The following WAC variants were observed in gnomAD, a reference collection of about 807,000 sequenced individuals.
The protein encoded by WAC is WW domain containing adaptor with coiled-coil, also known as WW domain-containing adapter protein with coiled-coil.
In WAC, 11 loss-of-function variants were observed where a neutral mutation model predicts 79.6. That is an observed-to-expected ratio of 0.14 (90% CI 0.09 to 0.23). WAC has a LOEUF of 0.23. Among genes scored for constraint, WAC ranks in the 10% least tolerant of loss-of-function variants. The pLI is 1.00. For synonymous variants in WAC, 304 were observed against 276.9 expected (o/e 1.10, Z -0.97); for missense variants, 728 against 773.5 (o/e 0.94, Z 0.70).
intron 2 of WAC, 180 bp from the exon 3 acceptor site, chr10:28,535,382 C>G (rs1836586344): frequency 6.0e-6 from 3 of 502,838 alleles, no homozygotes; most frequent in Non-Finnish European, 9.5e-6. Context: ...CTTATTGTAA[C>G]GCTTAAGCAT....
chr10:28,617,640 C>T lies in WAC; in HGVS notation c.1747-17C>T. The T allele has an allele frequency of 1.3e-6, 2 of 1,534,142 alleles. No individual in the cohort carries two copies. The highest frequency in any genetic ancestry group is 8.7e-7 in the Non-Finnish European group (1 of 1,150,584). On this transcript the variant is annotated splice_polypyrimidine_tract_variant and intron_variant, in intron 12 of 13. Transcript: ENST00000354911. Reference sequence around the variant, plus strand: ...TAATGTTTATATTTTATGTTTTCTTCATTTCTTTAATTACAGGCATCAAGA... The same window carrying T: ...TAATGTTTATATTTTATGTTTTCTTTATTTCTTTAATTACAGGCATCAAGA...
chr10:28,555,496 G>T (rs1184600134), intron 3 of WAC, among the ~76,000 whole-genome samples: 2 of 152,012 alleles, frequency 1.3e-5, no homozygotes, highest in African/African-American at 2.4e-5. Flanking sequence ...AGGTCTTGGG[G>T]TTGGTGGGAG....
At chr10:28,610,180 G>C (rs1488842580) in intron 8 of WAC, among the ~76,000 whole-genome samples, 1 of 152,052 alleles carries the variant, frequency 6.6e-6, no homozygotes, top group African/African-American at 2.4e-5. Flanking sequence ...CGATCCACCT[G>C]CCTCAGCCTC....
At chr10:28,590,601 A>T (rs1384980148) in intron 5 of WAC, 119 bp from the exon 6 acceptor site, 2 of 779,618 alleles carry the variant, frequency 2.6e-6, no homozygotes, top group East Asian at 2.8e-5. Context: ...AATTATGACC[A>T]TGTTCACTCC....
intron 6 of WAC, 74 bp downstream of exon 6, chr10:28,590,906 G>A: frequency 9.1e-7 from 1 of 1,097,712 alleles, no homozygotes; most frequent in Non-Finnish European, 1.3e-6. Context: ...TGTATCCATT[G>A]CCATCTACAT....
chr10:28,539,230 C>T (rs374419441), intron 3 of WAC, among the ~76,000 whole-genome samples: 7 of 152,026 alleles, frequency 4.6e-5, no homozygotes, highest in Admixed American at 2.6e-4. Flanking sequence ...GAAAAATGCT[C>T]GTTCAGAAGT....
intron 7 of WAC, among the ~76,000 whole-genome samples, chr10:28,600,487 A>T (rs901682200): frequency 6.6e-6 from 1 of 152,184 alleles, no homozygotes; most frequent in Non-Finnish European, 1.5e-5. Flanking sequence ...TAGGCTTACT[A>T]AATATTCATG....
Position 28,562,279 on chromosome 10 carries a change from A to G in WAC, c.275-21120A>G, listed in dbSNP as rs577242397. On this transcript the variant is annotated intron_variant, in intron 3 of 13. Coordinates refer to ENST00000354911, the MANE Select transcript of WAC (RefSeq NM_016628.5). ...ACCATGTTAGCCAGGCTGGTCTCGAACTCTGACCTCAAGTAATCCGCCCAC... is the reference window on the plus strand; with the variant it reads ...ACCATGTTAGCCAGGCTGGTCTCGAGCTCTGACCTCAAGTAATCCGCCCAC... 3.3e-5 allele frequency among the ~76,000 whole-genome samples: 5 copies of G among 152,212 alleles called. No individual in the cohort carries two copies. The South Asian group carries it at 1.0e-3, about 32-fold the overall frequency.
intron 3 of WAC, among the ~76,000 whole-genome samples, chr10:28,579,571 C>A (rs1024052739): frequency 1.3e-5 from 2 of 152,092 alleles, no homozygotes; most frequent in Non-Finnish European, 1.5e-5. Flanking sequence ...TATAAAAATT[C>A]ATGTGATATT....
Position 28,580,254 on chromosome 10 carries a change from CT to C in WAC, c.275-3144del, listed in dbSNP as rs1017246509. Among the ~76,000 whole-genome samples, 458 of 152,248 alleles carry C rather than the reference CT, an allele frequency of 3.0e-3. 2 individuals carry two copies. The highest frequency in any genetic ancestry group is 0.011 in the African/African-American group (443 of 41,554). On this transcript the variant is annotated intron_variant, in intron 3 of 13. Transcript: ENST00000354911. ...AGACCTAAAAGTTAGTTGGTAACTTCTGTCAGGCTGGTGGAAGGCATACCAT... is the reference window on the plus strand; with the variant it reads ...AGACCTAAAAGTTAGTTGGTAACTTCGTCAGGCTGGTGGAAGGCATACCAT...
In WAC at chr10:28,618,817, G is replaced by A. The variant is rs1243249048; in HGVS notation, c.1875-720G>A. Among the ~76,000 whole-genome samples, 4 of 152,144 alleles carry A rather than the reference G, an allele frequency of 2.6e-5. No individual in the cohort carries two copies. The East Asian group carries it at 5.8e-4, about 22-fold the overall frequency. On this transcript the variant is annotated intron_variant, in intron 13 of 13. Transcript: ENST00000354911. ...TACATTGAGAATTGCTCTTCTAAAT[G>A]ATTAATCTCTTACACCTGGTTAATT...
At position 28,608,449 on chromosome 10, in the gene WAC, T is replaced by G; in HGVS notation, c.1165+18T>G. On this transcript the variant is annotated intron_variant, in intron 8 of 13. Coordinates refer to ENST00000354911, the MANE Select transcript of WAC (RefSeq NM_016628.5). ...AAATGAAGGTAAATCTTCATAACAGTTTTTTAAAAATTTATTTGCATTGTG... is the reference window on the plus strand; with the variant it reads ...AAATGAAGGTAAATCTTCATAACAGGTTTTTAAAAATTTATTTGCATTGTG... 4 of 1,552,056 alleles carry G rather than the reference T, an allele frequency of 2.6e-6. No homozygotes were observed. The highest frequency in any genetic ancestry group is 3.5e-6 in the Non-Finnish European group (4 of 1,147,772).
At chr10:28,605,266 T>C (rs1840882548) in intron 7 of WAC, among the ~76,000 whole-genome samples, 2 of 152,254 alleles carry the variant, frequency 1.3e-5, no homozygotes, top group South Asian at 2.1e-4. Context: ...GGTTCTCCAG[T>C]CTATTTTTGC....
intron 3 of WAC, among the ~76,000 whole-genome samples, chr10:28,559,551 G>A (rs1400357104): frequency 1.3e-5 from 2 of 152,124 alleles, no homozygotes; most frequent in Non-Finnish European, 2.9e-5. Flanking sequence ...ACACTGGGAG[G>A]TGTTCTGTTT....
Position 28,619,646 on chromosome 10 carries a change from G to T in WAC, c.*40G>T, listed in dbSNP as rs750930190. 6.6e-7 allele frequency: 1 copy of T among 1,508,402 alleles called. No homozygotes were observed. The highest frequency in any genetic ancestry group is 2.4e-5 in the East Asian group (1 of 41,324). 93.4% of individuals were successfully genotyped at this position (1,508,402 alleles called of 1,614,324 possible). A position where few individuals can be genotyped will look rare whatever the true frequency, so the allele number is the denominator to read the frequency against. Reference sequence around the variant, plus strand: ...GCACATGGTTTTGAGAACAGGAACTGTAAATCTGTTGCCCAATCTTAACAT... The same window carrying T: ...GCACATGGTTTTGAGAACAGGAACTTTAAATCTGTTGCCCAATCTTAACAT... On this transcript the variant is annotated 3_prime_UTR_variant, in exon 14 of 14. Transcript: ENST00000354911.
chr10:28,576,367 A>C (rs972326379), intron 3 of WAC, among the ~76,000 whole-genome samples: 1 of 152,154 alleles, frequency 6.6e-6, no homozygotes, highest in Non-Finnish European at 1.5e-5. Context: ...TCTAGCGTTT[A>C]TCTCTGCCAC....
At chr10:28,546,205 A>G (rs1440901716) in intron 3 of WAC, among the ~76,000 whole-genome samples, 1 of 152,222 alleles carries the variant, frequency 6.6e-6, no homozygotes, top group East Asian at 1.9e-4. Context: ...TTCTGTATTC[A>G]TAGAACTAAT....
At chr10:28,555,336 T>G (rs1837923705) in intron 3 of WAC, among the ~76,000 whole-genome samples, 2 of 152,208 alleles carry the variant, frequency 1.3e-5, no homozygotes, top group African/African-American at 2.4e-5. Context: ...GTTTACTCAG[T>G]CACATGAACA....
At chr10:28,593,136 T>C (rs1440790039) in intron 6 of WAC, among the ~76,000 whole-genome samples, 2 of 152,214 alleles carry the variant, frequency 1.3e-5, no homozygotes, top group Non-Finnish European at 2.9e-5. Context: ...TATCACACTT[T>C]TTTTTTAGTT....
Sources: allele counts gnomAD v4.1 joint callset (sites outside exome capture counted in the v4.1 genomes callset), GRCh38; gene constraint gnomAD v4.1.1; transcripts MANE v1.5; gene names NCBI Gene and HGNC (gene_info 2026-07-23, HGNC 2026-07-21).